Variants in DOCK9 observed in about 807,000 individuals in gnomAD.
DOCK9 encodes dedicator of cytokinesis 9.
In DOCK9, 89 loss-of-function variants were observed where a neutral mutation model predicts 263.3. That is an observed-to-expected ratio of 0.34 (90% CI 0.28 to 0.40). DOCK9 has a LOEUF of 0.40. Among genes scored for constraint, DOCK9 ranks in the 10% least tolerant of loss-of-function variants. The pLI, the probability that DOCK9 is intolerant of heterozygous loss-of-function variation, is 1.00. For missense variants in DOCK9, 2,140 were observed against 2,603.4 expected (o/e 0.82, Z 3.87); for synonymous variants, 976 against 973.1 (o/e 1.00, Z -0.06).
At chr13:99,033,039 G>C (rs79304482) in intron 1 of DOCK9, among the ~76,000 whole-genome samples, 5 of 152,176 alleles carry the variant, frequency 3.3e-5, no homozygotes, top group African/African-American at 9.7e-5. Flanking sequence ...TTAAAGAATA[G>C]TTCCTTGTTA....
At chr13:98,910,004 T>G (rs1042307759) in intron 9 of DOCK9, among the ~76,000 whole-genome samples, 2 of 152,210 alleles carry the variant, frequency 1.3e-5, no homozygotes, top group African/African-American at 4.8e-5. Context: ...TCTACTTCTC[T>G]TTCAGAACCA....
chr13:98,849,184 G>A (rs377644127), intron 36 of DOCK9, among the ~76,000 whole-genome samples: 6 of 151,854 alleles, frequency 4.0e-5, no homozygotes, highest in South Asian at 2.1e-4. Flanking sequence ...GTTGAATCTC[G>A]TTTCACCACA....
At chr13:98,985,095 T>C (rs958930335) in intron 1 of DOCK9, among the ~76,000 whole-genome samples, 1 of 56,012 alleles carries the variant, frequency 1.8e-5, no homozygotes, top group Non-Finnish European at 3.9e-5. Flanking sequence ...GTTGGGGGGG[T>C]GGGGCCTGCG....
chr13:99,026,459 G>T (rs1886741071), intron 1 of DOCK9, among the ~76,000 whole-genome samples: 1 of 152,220 alleles, frequency 6.6e-6, no homozygotes, highest in Non-Finnish European at 1.5e-5. Context: ...ATATGCAGAA[G>T]AGAGGACAGC....
In DOCK9 at chr13:98,864,951, C is replaced by A. The variant is rs190261032; in HGVS notation, c.3287-1403G>T. On this transcript the variant is annotated intron_variant, in intron 30 of 52. Transcript: ENST00000682017. The stretch of plus-strand genomic sequence containing the variant: ...TCGCCATGTGACATGCTGGCTCCCC[C>A]CTTGCCCTCCACCATGATTGGAAGC... 3.2e-4 allele frequency among the ~76,000 whole-genome samples: 49 copies of A among 152,314 alleles called. No homozygotes were observed. In the East Asian group the frequency reaches 4.2e-3, roughly 13 times the overall value.
intron 25 of DOCK9, among the ~76,000 whole-genome samples, chr13:98,880,923 CA>C (rs1225512673): frequency 6.6e-6 from 1 of 152,016 alleles, no homozygotes; most frequent in African/African-American, 2.4e-5. Flanking sequence ...CCACCTGTGC[CA>C]GGGGCTTCAA....
chr13:98,994,967 T>C (rs1011889268), intron 1 of DOCK9, among the ~76,000 whole-genome samples: 13 of 152,202 alleles, frequency 8.5e-5, no homozygotes, highest in Non-Finnish European at 1.9e-4. Context: ...AATTCTAAGT[T>C]CGTGAGGTAT....
At chr13:98,977,715 C>T in intron 1 of DOCK9, 69 bp downstream of exon 1, 2 of 1,503,876 alleles carry the variant, frequency 1.3e-6, no homozygotes, top group Non-Finnish European at 1.8e-6. Context: ...GGCGTCAACC[C>T]CGTCCACACG....
At chr13:98,890,842 A>C (rs1435656279) in intron 15 of DOCK9, among the ~76,000 whole-genome samples, 1 of 152,214 alleles carries the variant, frequency 6.6e-6, no homozygotes, top group East Asian at 1.9e-4. Context: ...GCCCATCGCC[A>C]GCTCTAAGCT....
intron 1 of DOCK9, among the ~76,000 whole-genome samples, chr13:99,030,882 A>G (rs964166070): frequency 1.3e-5 from 2 of 152,204 alleles, no homozygotes; most frequent in African/African-American, 2.4e-5. Context: ...AAACATGCAA[A>G]TTCTTTCTTT....
intron 39 of DOCK9, among the ~76,000 whole-genome samples, chr13:98,835,169 T>C (rs2092942560): frequency 6.6e-6 from 1 of 152,218 alleles, no homozygotes. Context: ...GAGATTGATT[T>C]CTGGATTGTC....
chr13:99,006,130 G>A (rs2141880396), intron 1 of DOCK9, among the ~76,000 whole-genome samples: 1 of 152,262 alleles, frequency 6.6e-6, no homozygotes, highest in Admixed American at 6.5e-5. Context: ...AAAGGCAAAT[G>A]ACAAAACAGA....
At chr13:98,801,696 A>T (rs1268460821) in intron 49 of DOCK9, among the ~76,000 whole-genome samples, 1 of 151,922 alleles carries the variant, frequency 6.6e-6, no homozygotes, top group Non-Finnish European at 1.5e-5. Flanking sequence ...AAAGCTTATT[A>T]TTTTTTTTGA....
At chr13:98,979,796 G>A (rs1024074362), upstream of DOCK9, among the ~76,000 whole-genome samples, 7 of 152,028 alleles carry the variant, frequency 4.6e-5, no homozygotes, top group Admixed American at 2.6e-4. Context: ...CTATAGAGTC[G>A]AAATTATAGT....
At chr13:98,853,617 G>T in intron 34 of DOCK9, 95 bp from the exon 35 acceptor site, 1 of 911,190 alleles carries the variant, frequency 1.1e-6, no homozygotes, top group Non-Finnish European at 1.8e-6. Flanking sequence ...TTAGAATCAA[G>T]TCAGATCATA....
intron 34 of DOCK9, among the ~76,000 whole-genome samples, chr13:98,854,960 T>A (rs1401274305): frequency 6.6e-6 from 1 of 152,142 alleles, no homozygotes; most frequent in South Asian, 2.1e-4. Context: ...CAGCTGTTTA[T>A]TGGGATGGGC....
At position 98,867,947 on chromosome 13, in the gene DOCK9, A is replaced by C. The variant is rs1487377861; in HGVS notation, c.3155T>G (p.Phe1052Cys). ...FKQINNYISC[F>C]APGDPKTLFE... ...CACTACCTTTGGGTCTCCAGGAGCA[A>C]AACAGCTAATGTAGTTGTTGATCTG... The change falls in exon 29 of 53, where the codon TTT becomes TGT. Residue 1052 changes from phenylalanine (F) to cysteine (C), a missense_variant. By Grantham distance (205) the Phe-to-Cys change is radical. Around this residue, in one of 2 missense-constraint regions of DOCK9, gnomAD observed 1,521 missense variants for 1,741.7 expected, o/e 0.87. Transcript: ENST00000682017. The C allele has an allele frequency of 6.2e-7, 1 of 1,613,694 alleles. No individual in the cohort carries two copies. Among genetic ancestry groups the C allele is most frequent in the Admixed American group, 1.7e-5 (1 of 60,002 alleles).
Position 99,037,330 on chromosome 13 carries a change from C to CA in DOCK9, c.129+48892_129+48893insT, listed in dbSNP as rs1276397375. On this transcript the variant is annotated intron_variant, in intron 1 of 32. Coordinates refer to the DOCK9 transcript ENST00000427887. ...AAAAAAGATTGGAACAAACATTTCGCCAAAAAAAATACACAGAAAGCAATA... is the reference window on the plus strand; with the variant it reads ...AAAAAAGATTGGAACAAACATTTCGCACAAAAAAAATACACAGAAAGCAATA... Among the ~76,000 whole-genome samples the CA allele has an allele frequency of 5.3e-5, 8 of 150,404 alleles. No homozygotes were observed. The East Asian group carries it at 7.8e-4, about 15-fold the overall frequency.
intron 47 of DOCK9, among the ~76,000 whole-genome samples, chr13:98,808,132 T>C (rs1009756605): frequency 1.3e-5 from 2 of 152,122 alleles, no homozygotes; most frequent in South Asian, 2.1e-4. Context: ...CAGAACTCAC[T>C]AGAAAATGAT....
Sources: allele counts gnomAD v4.1 joint callset (sites outside exome capture counted in the v4.1 genomes callset), GRCh38; gene constraint gnomAD v4.1.1; regional missense constraint gnomAD v4.1.1; transcripts MANE v1.5; gene names NCBI Gene and HGNC (gene_info 2026-07-23, HGNC 2026-07-21).